Variants in RAB11FIP1 observed in about 807,000 individuals in gnomAD.
RAB11FIP1 encodes rab11 family-interacting protein 1.
A neutral mutation model predicts 83.1 loss-of-function variants in RAB11FIP1; 49 were observed. The ratio of observed to expected loss-of-function variants is 0.59; its 90% CI spans 0.47 to 0.75. The LOEUF is 0.75. Ranked by LOEUF, RAB11FIP1 falls within the 30% of genes least tolerant of loss-of-function variation. The pLI, the probability that RAB11FIP1 is intolerant of heterozygous loss-of-function variation, is 0.00. For synonymous variants in RAB11FIP1, 670 were observed against 656.0 expected (o/e 1.02, Z -0.33); for missense variants, 1,536 against 1,598.7 (o/e 0.96, Z 0.67).
chr8:37,875,203 G>A lies in RAB11FIP1; in HGVS notation c.934C>T (p.Leu312Phe), dbSNP rs113560526. The change falls in exon 3 of 6, where the codon CTT (leucine) becomes TTT (phenylalanine). Residue 312 changes from leucine to phenylalanine, a missense_variant. Coordinates refer to ENST00000330843, the MANE Select transcript of RAB11FIP1 (RefSeq NM_001002814.3). ...TTGATGCAGACATTAGAGCGGGAAAGGACATCATTCTTAGACCGAAGGCCA... is the reference window on the plus strand; with the variant it reads ...TTGATGCAGACATTAGAGCGGGAAAAGACATCATTCTTAGACCGAAGGCCA... ...LGGLRSKNDV[L>F]SRSNVCINGN... 223 of 1,614,148 alleles carry A rather than the reference G, an allele frequency of 1.4e-4. No homozygotes were observed. The African/African-American group carries it at 2.5e-3, about 18-fold the overall frequency.
At position 37,862,203 on chromosome 8, in the gene RAB11FIP1, AGAAGGG is replaced by A. The variant is rs1806251412; in HGVS notation, c.*686_*691del. 1.3e-5 allele frequency: 2 copies of A among 152,438 alleles called. No individual in the cohort carries two copies. Among genetic ancestry groups the A allele is most frequent in the African/African-American group, 4.8e-5 (2 of 41,454 alleles). The allele number at this position is 152,438 out of a possible 1,614,324, so 9.4% of individuals were successfully genotyped here. The stretch of plus-strand genomic sequence containing the variant: ...GAATTCTACTTTTCCTATCTCCAGT[AGAAGGG>A]CCCTGGATCTAAGCAGAAGGTATTT... On this transcript the variant is annotated 3_prime_UTR_variant, in exon 6 of 6. Transcript: ENST00000330843.
chr8:37,872,902 C>A lies in RAB11FIP1; in HGVS notation c.1900G>T (p.Ala634Ser). The A allele has an allele frequency of 6.2e-7, 1 of 1,614,186 alleles. No homozygotes were observed. The highest frequency in any genetic ancestry group is 1.3e-5 in the African/African-American group (1 of 75,050). Residue 634 changes from alanine to serine, a missense_variant, in exon 4 of 6, where the codon GCA (alanine) becomes TCA (serine). Transcript: ENST00000330843. Reference sequence around the variant, plus strand: ...GTTAAACTCTCAGTTTGCAACTCTGCCTTAGGGAGCAAGGGTGGTCCTTCA... The same window carrying A: ...GTTAAACTCTCAGTTTGCAACTCTGACTTAGGGAGCAAGGGTGGTCCTTCA... ...KSEGPPLLPKAELQTESLTPV... is the reference protein window; with the variant it reads ...KSEGPPLLPKSELQTESLTPV...
At position 37,872,438 on chromosome 8, in the gene RAB11FIP1, C is replaced by T; in HGVS notation, c.2364G>A (p.Met788Ile). ...TCAGACCCATCTCTTCCAGCTTCCG[C>T]ATCATGGAATCAATGGAAGGGACTG... ...GASVPSIDSMMRKLEEMGLNL... is the reference protein window; with the variant it reads ...GASVPSIDSMIRKLEEMGLNL... Residue 788 changes from methionine to isoleucine, a missense_variant, in exon 4 of 6, where the codon ATG (methionine) becomes ATA (isoleucine). Coordinates refer to ENST00000330843, the MANE Select transcript of RAB11FIP1 (RefSeq NM_001002814.3). 1 of 1,614,194 alleles carries T rather than the reference C, an allele frequency of 6.2e-7. No homozygotes were observed. The highest frequency in any genetic ancestry group is 1.1e-5 in the South Asian group (1 of 91,084).
intron 1 of RAB11FIP1, among the ~76,000 whole-genome samples, chr8:37,880,091 C>A (rs1806703598): frequency 6.6e-6 from 1 of 152,196 alleles, no homozygotes; most frequent in South Asian, 2.1e-4. Flanking sequence ...CACTGAGAGA[C>A]AAGCTTCAGA....
chr8:37,891,859 C>T (rs926160293), intron 1 of RAB11FIP1, among the ~76,000 whole-genome samples: 22 of 152,180 alleles, frequency 1.4e-4, no homozygotes, highest in African/African-American at 5.1e-4. Flanking sequence ...TCAATGAGAT[C>T]ACAGCAGCTC....
At chr8:37,876,549 G>C (rs76759227) in intron 2 of RAB11FIP1, among the ~76,000 whole-genome samples, 2,922 of 151,482 alleles carry the variant, frequency 0.019, 87 homozygotes, top group African/African-American at 0.067. Context: ...CGTAAGCTAT[G>C]ATCGCGCCAC....
Position 37,858,756 on chromosome 8 carries a change from C to T in RAB11FIP1, c.*4139G>A, listed in dbSNP as rs916808447. 1 of 152,240 alleles carries T rather than the reference C, an allele frequency of 6.6e-6. No homozygotes were observed. Among genetic ancestry groups the T allele is most frequent in the Admixed American group, 6.5e-5 (1 of 15,274 alleles). 9.4% of individuals were successfully genotyped at this position (152,240 alleles called of 1,614,324 possible). The stretch of plus-strand genomic sequence containing the variant: ...GAAGGGTGCATCCGAAGGGACCAGA[C>T]ATGTCCGTCCTCTTTGAGAAAAAGG... On this transcript the variant is annotated 3_prime_UTR_variant, in exon 6 of 6. Transcript: ENST00000330843.
Position 37,862,874 on chromosome 8 carries a change from C to T in RAB11FIP1, c.*21G>A, listed in dbSNP as rs1156321069. ...TGAAAGTGAAGTCACAGAAACGTCTCGGTGTTTTTTTTCTGCTGATTTACA... is the reference window on the plus strand; with the variant it reads ...TGAAAGTGAAGTCACAGAAACGTCTTGGTGTTTTTTTTCTGCTGATTTACA... On this transcript the variant is annotated 3_prime_UTR_variant, in exon 6 of 6. Coordinates refer to ENST00000330843, the MANE Select transcript of RAB11FIP1 (RefSeq NM_001002814.3). The T allele has an allele frequency of 5.7e-6, 9 of 1,591,708 alleles. No homozygotes were observed. The highest frequency in any genetic ancestry group is 2.2e-5 in the East Asian group (1 of 44,590).
At chr8:37,875,432 G>C in intron 2 of RAB11FIP1, 110 bp from the exon 3 acceptor site, 1 of 774,476 alleles carries the variant, frequency 1.3e-6, no homozygotes, top group South Asian at 1.6e-5. Flanking sequence ...AACTTGGAGG[G>C]GGTGTGCTGC....
intron 1 of RAB11FIP1, among the ~76,000 whole-genome samples, chr8:37,886,701 C>T (rs766792142): frequency 2.0e-5 from 3 of 152,182 alleles, no homozygotes; most frequent in Non-Finnish European, 4.4e-5. Context: ...AAGAACAGAA[C>T]CACCCCTGAC....
intron 1 of RAB11FIP1, among the ~76,000 whole-genome samples, chr8:37,887,203 G>T (rs1289720908): frequency 6.6e-6 from 1 of 152,130 alleles, no homozygotes; most frequent in Non-Finnish European, 1.5e-5. Flanking sequence ...AGCATGGAAA[G>T]GCTGTTTGTA....
chr8:37,882,994 C>T (rs867016911), intron 1 of RAB11FIP1, among the ~76,000 whole-genome samples: 5 of 152,134 alleles, frequency 3.3e-5, no homozygotes, highest in Admixed American at 6.6e-5. Context: ...CACAAGCAAA[C>T]CTAAAGCCAA....
At chr8:37,865,447 G>A (rs938581134) in intron 5 of RAB11FIP1, among the ~76,000 whole-genome samples, 1 of 151,750 alleles carries the variant, frequency 6.6e-6, no homozygotes, top group Non-Finnish European at 1.5e-5. Flanking sequence ...AGCCTCCCGA[G>A]TAGCTGGGAT....
Position 37,863,030 on chromosome 8 carries a change from T to A in RAB11FIP1, c.3717A>T (p.Glu1239Asp). The change falls in exon 6 of 6, where the codon GAA (glutamate) becomes GAT (aspartate). Residue 1239 changes from glutamate to aspartate, a missense_variant. Transcript: ENST00000330843. The part of the protein sequence containing the change: ...ELIQLVLKQK[E>D]TISKKEFQVR... ...CCTGGAACTCCTTCTTGCTTATCGT[T>A]TCCTTCTGTTTGAGGACCAGCTGAA... The A allele has an allele frequency of 6.2e-7, 1 of 1,613,606 alleles. No individual in the cohort carries two copies. The highest frequency in any genetic ancestry group is 8.5e-7 in the Non-Finnish European group (1 of 1,180,024).
chr8:37,888,790 C>CTTTT (rs35214439), intron 1 of RAB11FIP1, among the ~76,000 whole-genome samples: 27 of 100,648 alleles, frequency 2.7e-4, no homozygotes, highest in African/African-American at 4.4e-4. Flanking sequence ...CGTTCTGCAA[C>CTTTT]TTTTTTTTTT....
Position 37,861,896 on chromosome 8 carries a change from GCTT to G in RAB11FIP1, c.*996_*998del. The G allele has an allele frequency of 4.3e-6, 1 of 234,746 alleles. No individual in the cohort carries two copies. Among genetic ancestry groups the G allele is most frequent in the Non-Finnish European group, 8.6e-6 (1 of 116,400 alleles). The allele number at this position is 234,746 out of a possible 1,614,324, so 14.5% of individuals were successfully genotyped here. A position where few individuals can be genotyped will look rare whatever the true frequency, so the allele number is the denominator to read the frequency against. On this transcript the variant is annotated 3_prime_UTR_variant, in exon 6 of 6. Coordinates refer to ENST00000330843, the MANE Select transcript of RAB11FIP1 (RefSeq NM_001002814.3). The stretch of plus-strand genomic sequence containing the variant: ...GAGCCACCACGACTGGCCTGAAGGG[GCTT>G]CTTCATCTTGGGGAGTTGGTGGACC...
chr8:37,874,839 C>A lies in RAB11FIP1; in HGVS notation c.1298G>T (p.Arg433Met). 6.2e-7 allele frequency: 1 copy of A among 1,614,178 alleles called. No individual in the cohort carries two copies. Among genetic ancestry groups the A allele is most frequent in the Non-Finnish European group, 8.5e-7 (1 of 1,180,034 alleles). ...AKESKKPESR[R>M]SSLLSLMTGK... is the part of the protein sequence containing the mutation. ...CGTCATCAGAGACAGCAAAGAGGAC[C>A]TCCTGCTCTCTGGCTTCTTGCTCTC... Residue 433 changes from arginine (R) to methionine (M), a missense_variant, in exon 3 of 6, where the codon AGG becomes ATG. Transcript: ENST00000330843.
At position 37,865,546 on chromosome 8, in the gene RAB11FIP1, C is replaced by T. The variant is rs182514461; in HGVS notation, c.3634-2433G>A. The stretch of plus-strand genomic sequence containing the variant: ...TGTTGGCCAGGCTGGTCTTGAACTC[C>T]TGACCTCAAGTGATCCACCTGCCTC... On this transcript the variant is annotated intron_variant, in intron 5 of 5. Coordinates refer to ENST00000330843, the MANE Select transcript of RAB11FIP1 (RefSeq NM_001002814.3). Among the ~76,000 whole-genome samples, 952 of 152,270 alleles carry T rather than the reference C, an allele frequency of 6.3e-3. 3 individuals are homozygous for T. Among genetic ancestry groups the T allele is most frequent in the African/African-American group, 0.022 (916 of 41,552 alleles).
chr8:37,873,568 T>C (rs1292333632), intron 3 of RAB11FIP1, among the ~76,000 whole-genome samples: 3 of 151,712 alleles, frequency 2.0e-5, no homozygotes, highest in African/African-American at 7.3e-5. Context: ...ATCGTGCCAC[T>C]GCACTCCAGC....
Sources: gnomAD v4.1 joint callset for allele counts (sites outside exome capture counted in the v4.1 genomes callset) on GRCh38, gnomAD v4.1.1 for gene constraint, MANE v1.5 for transcripts, NCBI Gene and HGNC (gene_info 2026-07-23, HGNC 2026-07-21) for gene names.